The following NCR1 variants were observed in gnomAD, a reference collection of about 807,000 sequenced individuals.
NCR1 encodes NK cell-activating receptor.
In NCR1, 30 loss-of-function variants were observed where a neutral mutation model predicts 32.5. The observed-to-expected ratio is 0.92, with a 90% confidence interval of 0.69 to 1.25. The LOEUF is 1.25. NCR1 is among the 50% of genes most tolerant of loss of function. The pLI, the probability that NCR1 is intolerant of heterozygous loss-of-function variation, is 0.00. For synonymous variants in NCR1, 169 were observed against 143.4 expected, an observed-to-expected ratio of 1.18 and a Z score of -1.28; for missense variants, 369 against 380.7, an observed-to-expected ratio of 0.97 and a Z score of 0.26.
chr19:54,905,730 G>A (rs759376246), upstream of NCR1, among the ~76,000 whole-genome samples: 1 of 152,074 alleles, frequency 6.6e-6, no homozygotes, highest in Non-Finnish European at 1.5e-5. Context: ...TCCTCGGGGG[G>A]AACTGGGTTT....
At chr19:54,917,691 T>C (rs73603919), downstream of NCR1, among the ~76,000 whole-genome samples, 2,732 of 152,216 alleles carry the variant, frequency 0.018, 81 homozygotes, top group African/African-American at 0.063. Context: ...CATTTGGCAA[T>C]GCCCATGGTA....
the NCR1 span, among the ~76,000 whole-genome samples, chr19:54,937,167 G>A: frequency 6.6e-5 from 10 of 150,872 alleles, no homozygotes; most frequent in East Asian, 7.8e-4. Flanking sequence ...GCAGTGAGCC[G>A]AGATTGCTGC....
chr19:54,938,013 G>A, the NCR1 span: 1 of 1,544,668 alleles, frequency 6.5e-7, no homozygotes, highest in Middle Eastern at 1.7e-4. Context: ...CATCGTTCAG[G>A]GTCTTCCTTG....
chr19:54,936,562 C>A, the NCR1 span: 1 of 799,164 alleles, frequency 1.3e-6, no homozygotes, highest in Non-Finnish European at 2.1e-6. Context: ...TGGCTCGTGT[C>A]TGTAACCCCA....
rs1475304506 is a variant in NCR1, at chr19:54,906,596, T to A, written c.144T>A (p.Cys48Ter). ...MVPKEKQVTI[C>*]CQGNYGAVEY... ...CAAAGGAAAAGCAAGTGACCATCTG[T>A]TGCCAGGGAAATTATGGGGCTGTTG... Residue 48 changes from cysteine (C) to a stop codon, truncating the protein, a stop_gained, in exon 3 of 7, where the codon TGT (cysteine) becomes TGA (stop). Transcript: ENST00000291890. LOFTEE classifies it high-confidence loss of function. 1.9e-6 allele frequency: 3 copies of A among 1,614,092 alleles called. No homozygotes were observed. Among genetic ancestry groups the A allele is most frequent in the Non-Finnish European group, 8.5e-7 (1 of 1,180,044 alleles).
chr19:54,935,211 G>A, the NCR1 span, among the ~76,000 whole-genome samples: 1 of 130,586 alleles, frequency 7.7e-6, no homozygotes, highest in East Asian at 2.3e-4. Context: ...GGCCTGTGTG[G>A]ATGATTTTGC....
At chr19:54,937,928 T>C in the NCR1 span, 1 of 729,960 alleles carries the variant, frequency 1.4e-6, no homozygotes. Flanking sequence ...AAAAGACAGC[T>C]GGAAAATCCC....
At chr19:54,913,444 C>G (rs1313152843), downstream of NCR1, among the ~76,000 whole-genome samples, 1 of 152,220 alleles carries the variant, frequency 6.6e-6, no homozygotes, top group Non-Finnish European at 1.5e-5. Flanking sequence ...TTTAACCACT[C>G]TGGTCTTTTC....
chr19:54,900,604 A>T, the NCR1 span, among the ~76,000 whole-genome samples: 4 of 152,088 alleles, frequency 2.6e-5, no homozygotes, highest in Non-Finnish European at 5.9e-5. Flanking sequence ...GACAGTCTGG[A>T]TCACCTGACC....
chr19:54,924,059 C>T, the NCR1 span, among the ~76,000 whole-genome samples: 4 of 152,094 alleles, frequency 2.6e-5, no homozygotes, highest in Admixed American at 2.6e-4. Flanking sequence ...CCTCCAGCTC[C>T]CAAGTTCAAG....
rs533001314 is a variant in NCR1 at position 54,912,375 on chromosome 19, T to G, written c.733+157T>G. On this transcript the variant is annotated intron_variant, in intron 6 of 6. Transcript: ENST00000291890. ...CCTTTGGGAGGCCGAGGCGGGCAGA[T>G]CATCTGAGGTCGGGAGTTCAAGACC... Among the ~76,000 whole-genome samples, 628 of 151,514 alleles carry G rather than the reference T, an allele frequency of 4.1e-3. 5 individuals are homozygous for G. The highest frequency in any genetic ancestry group is 0.015 in the African/African-American group (612 of 41,306).
the NCR1 span, among the ~76,000 whole-genome samples, chr19:54,936,805 T>G: frequency 2.6e-5 from 4 of 151,930 alleles, no homozygotes; most frequent in East Asian, 5.8e-4. Flanking sequence ...GTCCCAGGTA[T>G]TCGGGAGGCT....
the NCR1 span, among the ~76,000 whole-genome samples, chr19:54,898,280 G>A: frequency 1.1e-4 from 16 of 152,294 alleles, no homozygotes; most frequent in African/African-American, 3.1e-4. Context: ...GATGGGATGC[G>A]GCTTAGGAGG....
chr19:54,916,317 C>CTTTTTTTGTTTTTTTTTTTTT (rs2068131101), downstream of NCR1, among the ~76,000 whole-genome samples: 1 of 87,124 alleles, frequency 1.1e-5, no homozygotes, highest in Non-Finnish European at 2.3e-5. Flanking sequence ...GAATATTGTG[C>CTTTTTTTGTTTTTTTTTTTTT]TTTTTTTTTT....
chr19:54,903,606 ATG>A (rs1216120585), upstream of NCR1, among the ~76,000 whole-genome samples: 1 of 149,098 alleles, frequency 6.7e-6, no homozygotes, highest in African/African-American at 2.5e-5. Flanking sequence ...GTATATATGC[ATG>A]TGTATATATA....
At chr19:54,904,531 C>CTTTTCTTTTTTGTTTTTTTTTTTTTT (rs1221694096), upstream of NCR1, among the ~76,000 whole-genome samples, 1 of 118,994 alleles carries the variant, frequency 8.4e-6, no homozygotes, top group Admixed American at 9.2e-5. Context: ...GTTTTCTTTT[C>CTTTTCTTTTTTGTTTTTTTTTTTTTT]TTTTTTTTTT....
the NCR1 span, among the ~76,000 whole-genome samples, chr19:54,935,226 G>T: frequency 1.6e-5 from 1 of 63,284 alleles, no homozygotes; most frequent in Non-Finnish European, 5.0e-5. Context: ...TTTTGCAGGG[G>T]GGAAAAAAAA....
chr19:54,901,969 A>T (rs925517569), upstream of NCR1, among the ~76,000 whole-genome samples: 3 of 152,240 alleles, frequency 2.0e-5, no homozygotes, highest in Non-Finnish European at 4.4e-5. Flanking sequence ...TTCCATCTCC[A>T]AATAAGAGAG....
At chr19:54,934,824 C>G in the NCR1 span, among the ~76,000 whole-genome samples, 1 of 152,092 alleles carries the variant, frequency 6.6e-6, no homozygotes, top group Non-Finnish European at 1.5e-5. This position sits in a 1 kb window ranked among gnomAD's most constrained non-coding sequence, Gnocchi z 6.7. Context: ...ATTCTCCTGC[C>G]TCAGCCTCCG....
Sources: allele counts gnomAD v4.1 joint callset (sites outside exome capture counted in the v4.1 genomes callset), GRCh38; gene constraint gnomAD v4.1.1; non-coding constraint Gnocchi (gnomAD v3.1); transcripts MANE v1.5; gene names NCBI Gene and HGNC (gene_info 2026-07-23, HGNC 2026-07-21).